Variants in THBS1 observed in about 807,000 individuals in gnomAD.
THBS1 encodes thrombospondin 1, also known as thrombospondin-1.
Under a neutral mutation model 126.1 loss-of-function variants are expected in THBS1, and 29 were observed. The ratio of observed to expected loss-of-function variants is 0.23; its 90% CI spans 0.17 to 0.31. THBS1 has a LOEUF of 0.31. Among genes scored for constraint, THBS1 ranks in the 10% least tolerant of loss-of-function variants. The pLI is 1.00. For missense variants in THBS1, 1,198 were observed against 1,545.2 expected, an observed-to-expected ratio of 0.78 and a Z score of 3.77; for synonymous variants, 496 against 577.8, an observed-to-expected ratio of 0.86 and a Z score of 2.03.
At chr15:39,583,923 C>T in intron 4 of THBS1, 65 bp from the exon 5 acceptor site, 1 of 1,580,346 alleles carries the variant, frequency 6.3e-7, no homozygotes, top group South Asian at 1.1e-5. Flanking sequence ...TCTTCTACCA[C>T]TAAGAACTCA....
chr15:39,597,290 T>G lies in THBS1; in HGVS notation c.*1921T>G, dbSNP rs1362812215. Reference sequence around the variant, plus strand: ...TCTTTTTTTTGTTTTGTTTTTTTTTTTTTTTTTTTTTGCTTTTGACCTCCC... The same window carrying G: ...TCTTTTTTTTGTTTTGTTTTTTTTTGTTTTTTTTTTTGCTTTTGACCTCCC... On this transcript the variant is annotated 3_prime_UTR_variant, in exon 22 of 22. Transcript: ENST00000260356. 5.4e-5 allele frequency: 8 copies of G among 148,724 alleles called. No homozygotes were observed. The highest frequency in any genetic ancestry group is 1.2e-4 in the African/African-American group (5 of 40,868). 9.2% of individuals were successfully genotyped at this position (148,724 alleles called of 1,614,324 possible). A position where few individuals can be genotyped will look rare whatever the true frequency, so the allele number is the denominator to read the frequency against.
At chr15:39,588,380 A>G in intron 9 of THBS1, 146 bp from the exon 10 acceptor site, 2 of 1,309,136 alleles carry the variant, frequency 1.5e-6, no homozygotes, top group Non-Finnish European at 2.1e-6. Context: ...ACTTCTTTTA[A>G]TGAAAAACAA....
intron 2 of THBS1, 100 bp from the exon 3 acceptor site, chr15:39,582,093 A>G: frequency 7.2e-7 from 1 of 1,392,946 alleles, no homozygotes; most frequent in East Asian, 2.4e-5. Flanking sequence ...GGTTGCCAGG[A>G]GTTTTCACCC....
At chr15:39,590,798 G>T (rs1890311826) in intron 14 of THBS1, 175 bp downstream of exon 14, 2 of 601,686 alleles carry the variant, frequency 3.3e-6, no homozygotes, top group Non-Finnish European at 5.7e-6. Context: ...GTTGCCAAGA[G>T]AATTTTTAAA....
Position 39,593,164 on chromosome 15 carries a change from G to A in THBS1, c.2932G>A (p.Val978Ile). The change falls in exon 18 of 22, where the codon GTT becomes ATT. Residue 978 changes from valine (V) to isoleucine (I), a missense_variant. Val to Ile is a conservative substitution (Grantham distance 29). Transcript: ENST00000260356. This position sits in a 1 kb window ranked among gnomAD's most constrained non-coding sequence, Gnocchi z 5.9. ...GACATCCCAAAATGACCCTAACTGGGTTGTACGCCATCAGGGTAAAGAACT... is the reference window on the plus strand; with the variant it reads ...GACATCCCAAAATGACCCTAACTGGATTGTACGCCATCAGGGTAAAGAACT... ...KGTSQNDPNW[V>I]VRHQGKELVQ... The A allele has an allele frequency of 1.2e-6, 2 of 1,610,566 alleles. No homozygotes were observed.
rs116067882 is a variant in THBS1, at chr15:39,594,941, G to A, written c.3506-421G>A. 4.6e-3 allele frequency among the ~76,000 whole-genome samples: 696 copies of A among 151,934 alleles called. 1 individual carries two copies. Among genetic ancestry groups the A allele is most frequent in the African/African-American group, 0.015 (624 of 41,404 alleles). The stretch of plus-strand genomic sequence containing the variant: ...TTTTACTTAGTCATTACTTAAGCTC[G>A]CTGAGTCCAACACTGGCTCTACCAC... On this transcript the variant is annotated intron_variant, in intron 21 of 21. Transcript: ENST00000260356. The surrounding 1 kb of genome is among the most constrained non-coding windows in gnomAD (Gnocchi z 4.4).
chr15:39,590,713 CA>C, intron 14 of THBS1, 90 bp downstream of exon 14: 2 of 951,642 alleles, frequency 2.1e-6, no homozygotes, highest in South Asian at 1.4e-5. Flanking sequence ...ATGGCTATAG[CA>C]AAAAATATAC....
chr15:39,590,087 A>T, intron 13 of THBS1, 64 bp downstream of exon 13: 1 of 1,359,966 alleles, frequency 7.4e-7, no homozygotes, highest in Non-Finnish European at 9.9e-7. Context: ...AACACAGGCT[A>T]AGGAATTTTA....
chr15:39,598,474 T>G lies in THBS1; in HGVS notation c.*3105T>G, dbSNP rs1297865706. 2 of 152,338 alleles carry G rather than the reference T, an allele frequency of 1.3e-5. No homozygotes were observed. Among genetic ancestry groups the G allele is most frequent in the Middle Eastern group, 3.4e-3 (1 of 294 alleles). 9.4% of individuals were successfully genotyped at this position (152,338 alleles called of 1,614,324 possible). ...TGAAATGGCAAAGAATTAAATACCA[T>G]CATTCATTATCAGAAGAGTTCAACG... On this transcript the variant is annotated 3_prime_UTR_variant, in exon 22 of 22. Transcript: ENST00000260356.
chr15:39,599,116 G>A lies in THBS1; in HGVS notation c.*3747G>A, dbSNP rs1400731023. The A allele has an allele frequency of 2.0e-5, 3 of 151,880 alleles. No individual in the cohort carries two copies. Among genetic ancestry groups the A allele is most frequent in the African/African-American group, 7.3e-5 (3 of 41,320 alleles). The allele number at this position is 151,880 out of a possible 1,614,324, so 9.4% of individuals were successfully genotyped here. On this transcript the variant is annotated 3_prime_UTR_variant, in exon 22 of 22. Transcript: ENST00000260356. The stretch of plus-strand genomic sequence containing the variant: ...AATTCTGTATTTTTAGTAAAGACGG[G>A]GTTTCACCTTGTTCCGGACAAACAC...
chr15:39,590,268 T>C (rs1186332426), intron 13 of THBS1, among the ~76,000 whole-genome samples: 1 of 152,170 alleles, frequency 6.6e-6, no homozygotes. Flanking sequence ...AGTTCAGTAC[T>C]CTATCCAAAT....
intron 1 of THBS1, 180 bp from the exon 2 acceptor site, chr15:39,581,649 T>TCTCTCC (rs1890106968): frequency 2.1e-6 from 1 of 472,294 alleles, no homozygotes; most frequent in African/African-American, 2.0e-5. Context: ...CCTCTCTCTC[T>TCTCTCC]CTCTCTCTCT....
Position 39,582,524 on chromosome 15 carries a change from C to T in THBS1, c.399C>T (p.Thr133=). 1.9e-6 allele frequency: 3 copies of T among 1,614,100 alleles called. No homozygotes were observed. Among genetic ancestry groups the T allele is most frequent in the Non-Finnish European group, 2.5e-6 (3 of 1,179,998 alleles). ...CGGGCACCCTGGACCTCAGCCTGAC[C>T]GTCCAAGGAAAGCAGCACGTGGTGT... is the stretch of plus-strand genomic sequence containing the variant. The part of the protein sequence containing the change: ...GKAGTLDLSL[T]VQGKQHVVSV... The change falls in exon 3 of 22, where the codon ACC becomes ACT. Residue 133 remains threonine (T), a synonymous_variant. Coordinates refer to ENST00000260356, the MANE Select transcript of THBS1 (RefSeq NM_003246.4).
chr15:39,592,760 A>C lies in THBS1; in HGVS notation c.2725A>C (p.Asn909His). The part of the protein sequence containing the change: ...DNDGIPDDKD[N>H]CRLVPNPDQK... Reference sequence around the variant, plus strand: ...CGATGGCATTCCTGATGACAAGGACAACTGCAGACTCGTGCCCAATCCCGA... The same window carrying C: ...CGATGGCATTCCTGATGACAAGGACCACTGCAGACTCGTGCCCAATCCCGA... Residue 909 changes from asparagine to histidine, a missense_variant, in exon 17 of 22, where the codon AAC becomes CAC. By Grantham distance (68) the Asn-to-His change is moderately conservative (BLOSUM62 1). Coordinates refer to ENST00000260356, the MANE Select transcript of THBS1 (RefSeq NM_003246.4). The surrounding 1 kb of genome is among the most constrained non-coding windows in gnomAD (Gnocchi z 4.3). 6.2e-7 allele frequency: 1 copy of C among 1,614,194 alleles called. No individual in the cohort carries two copies.
In THBS1 at chr15:39,583,634, G is replaced by C. The variant is rs369762231; in HGVS notation, c.645G>C (p.Val215=). Residue 215 remains valine (V), a synonymous_variant, in exon 4 of 22, where the codon GTG becomes GTC. Transcript: ENST00000260356. The part of the protein sequence containing the change: ...NDNFQGVLQN[V]RFVFGTTPED... ...GCCCACAGGGGGTGCTGCAGAATGT[G>C]AGGTTTGTCTTTGGAACCACACCAG... is the stretch of plus-strand genomic sequence containing the variant. 1.2e-6 allele frequency: 2 copies of C among 1,605,880 alleles called. No individual in the cohort carries two copies. The highest frequency in any genetic ancestry group is 1.7e-6 in the Non-Finnish European group (2 of 1,174,924).
chr15:39,581,940 A>C lies in THBS1; in HGVS notation c.67+16A>C. On this transcript the variant is annotated intron_variant, in intron 2 of 21. Coordinates refer to ENST00000260356, the MANE Select transcript of THBS1 (RefSeq NM_003246.4). The stretch of plus-strand genomic sequence containing the variant: ...CGCATTCCAGGTGAGTTTGTGTGGC[A>C]CCTTTAGGGGAAGGAGGGACAAGGA... The C allele has an allele frequency of 6.2e-7, 1 of 1,613,746 alleles. No homozygotes were observed. The highest frequency in any genetic ancestry group is 8.5e-7 in the Non-Finnish European group (1 of 1,179,830).
At chr15:39,583,566 A>AACCC in intron 3 of THBS1, 51 bp from the exon 4 acceptor site, 2 of 716,658 alleles carry the variant, frequency 2.8e-6, no homozygotes, top group Non-Finnish European at 4.9e-6. Flanking sequence ...CCCCAACCCC[A>AACCC]TCCCCACCCC....
chr15:39,588,406 C>A, intron 9 of THBS1, 120 bp from the exon 10 acceptor site: 1 of 1,346,724 alleles, frequency 7.4e-7, no homozygotes, highest in Non-Finnish European at 1.0e-6. Flanking sequence ...CCCTCTTCCC[C>A]AGCATTCTTT....
Position 39,581,867 on chromosome 15 carries a change from G to A in THBS1, c.10G>A (p.Ala4Thr). Residue 4 changes from alanine (A) to threonine (T), a missense_variant, in exon 2 of 22, where the codon GCC becomes ACC. Around this residue, in one of 4 missense-constraint regions of THBS1, gnomAD observed 271 missense variants for 277.0 expected, o/e 0.98. Coordinates refer to ENST00000260356, the MANE Select transcript of THBS1 (RefSeq NM_003246.4). ...CACCAACAGCTCCACCATGGGGCTGGCCTGGGGACTAGGCGTCCTGTTCCT... is the reference window on the plus strand; with the variant it reads ...CACCAACAGCTCCACCATGGGGCTGACCTGGGGACTAGGCGTCCTGTTCCT... Reference protein sequence around the residue: MGLAWGLGVLFLMH... With the variant: MGLTWGLGVLFLMH... The A allele has an allele frequency of 6.2e-7, 1 of 1,614,080 alleles. No individual in the cohort carries two copies. The highest frequency in any genetic ancestry group is 8.5e-7 in the Non-Finnish European group (1 of 1,179,998).
Sources: allele counts gnomAD v4.1 joint callset (sites outside exome capture counted in the v4.1 genomes callset), GRCh38; gene constraint gnomAD v4.1.1; regional missense constraint gnomAD v4.1.1; non-coding constraint Gnocchi (gnomAD v3.1); transcripts MANE v1.5; gene names NCBI Gene and HGNC (gene_info 2026-07-23, HGNC 2026-07-21).